Variants in PDE4D observed in about 807,000 individuals in gnomAD.
The protein encoded by PDE4D is phosphodiesterase 4D.
A neutral mutation model predicts 87.4 loss-of-function variants in PDE4D; 24 were observed. That is an observed-to-expected ratio of 0.27 (90% CI 0.20 to 0.39). The LOEUF is 0.39. Among genes scored for constraint, PDE4D ranks in the 10% least tolerant of loss-of-function variants. The pLI, the probability that PDE4D is intolerant of heterozygous loss-of-function variation, is 1.00. For synonymous variants in PDE4D, 384 were observed against 383.2 expected (o/e 1.00, Z -0.02); for missense variants, 714 against 1,041.0 (o/e 0.69, Z 4.32).
At chr5:60,183,362 C>T (rs1212174513) in intron 2 of PDE4D, among the ~76,000 whole-genome samples, 1 of 152,150 alleles carries the variant, frequency 6.6e-6, no homozygotes, top group Admixed American at 6.5e-5. Context: ...CGAATGAGCA[C>T]AACATGGTAT....
chr5:60,290,905 T>C (rs557961175), intron 1 of PDE4D, among the ~76,000 whole-genome samples: 1 of 152,308 alleles, frequency 6.6e-6, no homozygotes, highest in African/African-American at 2.4e-5. Flanking sequence ...AGTGTATTTG[T>C]AACCCCCCAA....
At chr5:60,463,532 C>T (rs558380578) in intron 1 of PDE4D, among the ~76,000 whole-genome samples, 2 of 152,268 alleles carry the variant, frequency 1.3e-5, no homozygotes, top group South Asian at 2.1e-4. Flanking sequence ...GAGACTGAAT[C>T]GGGAGGTCTT....
At chr5:59,320,670 A>G (rs1774560377) in intron 1 of PDE4D, among the ~76,000 whole-genome samples, 1 of 152,158 alleles carries the variant, frequency 6.6e-6, no homozygotes, top group South Asian at 2.1e-4. Context: ...TTAATATATG[A>G]CAAGATTGAA....
chr5:59,070,668 T>G lies in PDE4D; in HGVS notation c.809-31697A>C. ...AACTATGTAACATACCCTGATTACC[T>G]TTTTTTCTTTGTTTTCCTTCTTGAA... is the stretch of plus-strand genomic sequence containing the variant. On this transcript the variant is annotated intron_variant, in intron 5 of 14. Transcript: ENST00000340635. Among the ~76,000 whole-genome samples the G allele has an allele frequency of 1.3e-5, 2 of 152,156 alleles. 1 individual carries two copies. Among genetic ancestry groups the G allele is most frequent in the Non-Finnish European group, 2.9e-5 (2 of 68,024 alleles).
At chr5:59,614,900 C>T (rs1227034152) in intron 1 of PDE4D, among the ~76,000 whole-genome samples, 2 of 151,144 alleles carry the variant, frequency 1.3e-5, no homozygotes, top group South Asian at 4.2e-4. Flanking sequence ...GGCACAGTCT[C>T]GGTTCTGCAA....
At chr5:59,613,602 G>C (rs1290988899) in intron 1 of PDE4D, among the ~76,000 whole-genome samples, 1 of 152,162 alleles carries the variant, frequency 6.6e-6, no homozygotes, top group Non-Finnish European at 1.5e-5. Context: ...GTCCTCAAGG[G>C]AAAAGGGGGA....
intron 1 of PDE4D, among the ~76,000 whole-genome samples, chr5:60,308,202 G>A (rs1441621187): frequency 2.0e-5 from 3 of 152,198 alleles, no homozygotes; most frequent in Non-Finnish European, 4.4e-5. Flanking sequence ...TACAAATTCT[G>A]TCTCAACATA....
At chr5:60,421,038 G>C (rs945529167) in intron 1 of PDE4D, among the ~76,000 whole-genome samples, 20 of 152,216 alleles carry the variant, frequency 1.3e-4, no homozygotes, top group African/African-American at 4.8e-4. Context: ...CAGGAAGCTG[G>C]AACTGGGCAG....
chr5:59,271,276 C>T (rs566364302), intron 1 of PDE4D, among the ~76,000 whole-genome samples: 2 of 152,204 alleles, frequency 1.3e-5, no homozygotes, highest in African/African-American at 2.4e-5. Context: ...TGGCCTCAGG[C>T]GATCTGCCTG....
chr5:59,764,498 T>C (rs1009650378), intron 1 of PDE4D, among the ~76,000 whole-genome samples: 3 of 152,188 alleles, frequency 2.0e-5, no homozygotes, highest in South Asian at 2.1e-4. Context: ...GCTTTGGTGC[T>C]GAGTGACATA....
intron 3 of PDE4D, chr5:59,988,207 T>C (rs1002474264): frequency 1.6e-5 from 5 of 312,876 alleles, no homozygotes; most frequent in Non-Finnish European, 2.9e-5. Context: ...AAGTCACATA[T>C]GGCCAATATT....
At chr5:60,135,881 CT>C (rs1217730138) in intron 2 of PDE4D, among the ~76,000 whole-genome samples, 2 of 152,124 alleles carry the variant, frequency 1.3e-5, no homozygotes, top group Non-Finnish European at 2.9e-5. Flanking sequence ...CAAAAGACAC[CT>C]TTTGCTTAAC....
At chr5:59,852,458 C>T (rs1456699343) in intron 1 of PDE4D, among the ~76,000 whole-genome samples, 2 of 152,018 alleles carry the variant, frequency 1.3e-5, no homozygotes, top group African/African-American at 2.4e-5. Flanking sequence ...GAGAAGACCA[C>T]CCAACAAAGA....
At chr5:60,398,286 CA>C (rs1328908987) in intron 1 of PDE4D, among the ~76,000 whole-genome samples, 1 of 152,208 alleles carries the variant, frequency 6.6e-6, no homozygotes, top group African/African-American at 2.4e-5. Flanking sequence ...TTGGCCAAAT[CA>C]AGTCAGGGAA....
At chr5:59,982,754 C>G (rs1329267366) in intron 3 of PDE4D, among the ~76,000 whole-genome samples, 1 of 152,190 alleles carries the variant, frequency 6.6e-6, no homozygotes, top group African/African-American at 2.4e-5. Context: ...CTTTCTGAAA[C>G]AGGAGCCAAT....
At chr5:60,141,816 G>C (rs1264173347) in intron 2 of PDE4D, among the ~76,000 whole-genome samples, 1 of 152,098 alleles carries the variant, frequency 6.6e-6, no homozygotes. Flanking sequence ...AGAGGCCTTG[G>C]TTTGAATCCT....
At chr5:60,047,215 C>T (rs1029252986) in intron 2 of PDE4D, among the ~76,000 whole-genome samples, 13 of 152,150 alleles carry the variant, frequency 8.5e-5, no homozygotes, top group Non-Finnish European at 1.3e-4. Context: ...GTGGTGATAT[C>T]CCCTTTATCA....
chr5:60,105,383 G>T (rs138020543), intron 2 of PDE4D, among the ~76,000 whole-genome samples: 22,408 of 152,076 alleles, frequency 0.15, 1,722 homozygotes, highest in Middle Eastern at 0.23. Context: ...AATCTATGTC[G>T]GATTGGTGTA....
At chr5:59,896,091 T>C (rs1394247888), upstream of PDE4D, among the ~76,000 whole-genome samples, 1 of 152,208 alleles carries the variant, frequency 6.6e-6, no homozygotes, top group Non-Finnish European at 1.5e-5. Flanking sequence ...AGGTTACAGC[T>C]TGAGTTCCAA....
Sources: gnomAD v4.1 joint callset for allele counts (sites outside exome capture counted in the v4.1 genomes callset) on GRCh38, gnomAD v4.1.1 for gene constraint, MANE v1.5 for transcripts, NCBI Gene and HGNC (gene_info 2026-07-23, HGNC 2026-07-21) for gene names.